Variants in KHDRBS2 observed in about 807,000 individuals in gnomAD.
KHDRBS2 encodes the protein KH RNA binding domain containing, signal transduction associated 2.
A neutral mutation model predicts 44.3 loss-of-function variants in KHDRBS2; 26 were observed. The observed-to-expected ratio is 0.59, with a 90% CI of 0.43 to 0.81. KHDRBS2 has a LOEUF of 0.81. Among genes scored for constraint, KHDRBS2 ranks in the 40% least tolerant of loss-of-function variants. The pLI is 0.00. For missense variants in KHDRBS2, 476 were observed against 433.1 expected (o/e 1.10, Z -0.88); for synonymous variants, 194 against 151.1 (o/e 1.28, Z -2.08).
Position 61,681,030 on chromosome 6 carries a change from C to G in KHDRBS2, c.983G>C (p.Ser328Thr), listed in dbSNP as rs770838111. Residue 328 changes from serine (S) to threonine (T), a missense_variant, in exon 9 of 9, where the codon AGC becomes ACC. Coordinates refer to ENST00000281156, the MANE Select transcript of KHDRBS2 (RefSeq NM_152688.4). ...TGACCTTTGCGGTGGTGCCTTCAAG[C>G]TAGAGCGGGTTGTGGCCCATTCTTC... ...APEEWATTRS[S>T]LKAPPQRSAR... is the part of the protein sequence containing the mutation. 1 of 1,611,722 alleles carries G rather than the reference C, an allele frequency of 6.2e-7. No individual in the cohort carries two copies. Among genetic ancestry groups the G allele is most frequent in the Admixed American group, 1.7e-5 (1 of 59,790 alleles).
intron 4 of KHDRBS2, among the ~76,000 whole-genome samples, chr6:61,954,394 T>A (rs13217133): frequency 0.036 from 2,802 of 77,140 alleles, 63 homozygotes; most frequent in East Asian, 0.062. Context: ...CATACATATA[T>A]ACGTATGTAT....
intron 6 of KHDRBS2, among the ~76,000 whole-genome samples, chr6:61,821,180 C>T (rs1789851674): frequency 6.6e-6 from 1 of 151,984 alleles, no homozygotes; most frequent in African/African-American, 2.4e-5. Context: ...ACTTTCAACT[C>T]TCTCTTACTT....
At chr6:61,656,257 G>A in the KHDRBS2 span, among the ~76,000 whole-genome samples, 2 of 151,958 alleles carry the variant, frequency 1.3e-5, no homozygotes, top group African/African-American at 4.8e-5. Context: ...CTCATCTCTT[G>A]TTGCTACTAA....
At chr6:61,611,040 C>A in the KHDRBS2 span, among the ~76,000 whole-genome samples, 1 of 152,066 alleles carries the variant, frequency 6.6e-6, no homozygotes. Context: ...ATGGAAACTG[C>A]GTTTTGCATC....
intron 6 of KHDRBS2, among the ~76,000 whole-genome samples, chr6:61,889,716 A>G (rs1189575751): frequency 6.6e-6 from 1 of 152,036 alleles, no homozygotes; most frequent in Non-Finnish European, 1.5e-5. Flanking sequence ...TCAAAACATA[A>G]ATCTAATCAT....
At chr6:62,188,494 G>A (rs934640119) in intron 1 of KHDRBS2, among the ~76,000 whole-genome samples, 3 of 152,086 alleles carry the variant, frequency 2.0e-5, no homozygotes, top group Non-Finnish European at 4.4e-5. Flanking sequence ...ATGTAAAAGA[G>A]GGTAATGGCA....
At chr6:61,799,065 A>G (rs993793032) in intron 6 of KHDRBS2, among the ~76,000 whole-genome samples, 3 of 152,058 alleles carry the variant, frequency 2.0e-5, no homozygotes, top group Non-Finnish European at 4.4e-5. Context: ...AAGGCTTGCT[A>G]TTCTTTTACT....
At chr6:62,202,279 A>T (rs1827153715) in intron 1 of KHDRBS2, among the ~76,000 whole-genome samples, 1 of 152,108 alleles carries the variant, frequency 6.6e-6, no homozygotes. Flanking sequence ...AACTGTGACT[A>T]ATATTTGACC....
chr6:62,251,095 A>G (rs1362685565), intron 1 of KHDRBS2, among the ~76,000 whole-genome samples: 1 of 151,950 alleles, frequency 6.6e-6, no homozygotes, highest in Non-Finnish European at 1.5e-5. Context: ...CTTTTAGATA[A>G]TACACACTGA....
chr6:61,543,396 T>G, the KHDRBS2 span, among the ~76,000 whole-genome samples: 2 of 151,816 alleles, frequency 1.3e-5, no homozygotes, highest in Non-Finnish European at 2.9e-5. Context: ...TGCAATGAAA[T>G]ATCATCTCAT....
the KHDRBS2 span, among the ~76,000 whole-genome samples, chr6:61,626,436 CA>C: frequency 6.6e-6 from 1 of 152,076 alleles, no homozygotes; most frequent in Non-Finnish European, 1.5e-5. Flanking sequence ...GCTAAGTTTC[CA>C]CTGGTATGCA....
chr6:62,267,270 T>C (rs1335321155), intron 1 of KHDRBS2, among the ~76,000 whole-genome samples: 2 of 151,992 alleles, frequency 1.3e-5, no homozygotes, highest in Non-Finnish European at 2.9e-5. Context: ...ACAAGGAAAT[T>C]CTCCTTCATC....
chr6:61,673,978 G>C, the KHDRBS2 span, among the ~76,000 whole-genome samples: 9 of 151,728 alleles, frequency 5.9e-5, no homozygotes, highest in African/African-American at 1.7e-4. Flanking sequence ...TCAATCCTGA[G>C]CCAGAAGACC....
At chr6:61,848,485 A>ATACG (rs1794777421) in intron 6 of KHDRBS2, among the ~76,000 whole-genome samples, 3 of 46,118 alleles carry the variant, frequency 6.5e-5, no homozygotes, top group Non-Finnish European at 1.1e-4. Flanking sequence ...ATATATATAT[A>ATACG]TATATGTATA....
At chr6:61,656,746 G>A in the KHDRBS2 span, among the ~76,000 whole-genome samples, 626 of 151,840 alleles carry the variant, frequency 4.1e-3, 4 homozygotes, top group East Asian at 0.025. Flanking sequence ...TGTATGCGCC[G>A]GTGCCAGCAC....
chr6:61,586,820 T>C, the KHDRBS2 span, among the ~76,000 whole-genome samples: 11 of 152,098 alleles, frequency 7.2e-5, no homozygotes, highest in Non-Finnish European at 1.3e-4. Context: ...AGACCCATAT[T>C]CTCCACATGC....
chr6:61,999,775 T>G (rs1777877175), intron 3 of KHDRBS2, among the ~76,000 whole-genome samples: 1 of 151,246 alleles, frequency 6.6e-6, no homozygotes, highest in Non-Finnish European at 1.5e-5. Flanking sequence ...TCTTTTATAG[T>G]TTTTTCTTCC....
At chr6:62,043,627 T>C (rs1331356272) in intron 3 of KHDRBS2, among the ~76,000 whole-genome samples, 2 of 152,078 alleles carry the variant, frequency 1.3e-5, no homozygotes, top group Non-Finnish European at 2.9e-5. Context: ...AATATTATTA[T>C]ATTTTACTTT....
intron 6 of KHDRBS2, among the ~76,000 whole-genome samples, chr6:61,791,498 A>G (rs1319100113): frequency 6.6e-6 from 1 of 151,508 alleles, no homozygotes; most frequent in African/African-American, 2.4e-5. Context: ...TTAGTTATAT[A>G]CAAGCTGTTT....
Sources: allele counts gnomAD v4.1 joint callset (sites outside exome capture counted in the v4.1 genomes callset), GRCh38; gene constraint gnomAD v4.1.1; transcripts MANE v1.5; gene names NCBI Gene and HGNC (gene_info 2026-07-23, HGNC 2026-07-21).